The following MAP3K9 variants were observed in gnomAD, a reference collection of about 807,000 sequenced individuals.
MAP3K9 encodes the protein mixed lineage kinase 1 (tyr and ser/thr specificity).
MAP3K9 carries 46 observed loss-of-function variants against 95.8 expected under a neutral mutation model. The ratio of observed to expected loss-of-function variants is 0.48; its 90% CI spans 0.38 to 0.61. MAP3K9 has a LOEUF of 0.61. Among genes scored for constraint, MAP3K9 ranks in the 20% least tolerant of loss-of-function variants. The pLI, the probability that MAP3K9 is intolerant of heterozygous loss-of-function variation, is 0.00. For synonymous variants in MAP3K9, 533 were observed against 593.8 expected (o/e 0.90, Z 1.49); for missense variants, 1,296 against 1,474.3 (o/e 0.88, Z 1.98).
intron 2 of MAP3K9, among the ~76,000 whole-genome samples, chr14:70,783,819 A>T (rs2054712731): frequency 6.6e-6 from 1 of 152,250 alleles, no homozygotes; most frequent in African/African-American, 2.4e-5. Context: ...CAGACTACAC[A>T]GAGCTGAAAG....
chr14:70,751,033 A>T (rs978824377), intron 3 of MAP3K9, among the ~76,000 whole-genome samples: 8 of 131,806 alleles, frequency 6.1e-5, no homozygotes, highest in Non-Finnish European at 1.3e-4. Context: ...CCCCCAGATC[A>T]GCGTGAGTGG....
Position 70,800,697 on chromosome 14 carries a change from T to C in MAP3K9, c.790A>G (p.Ile264Val). 2 of 1,614,046 alleles carry C rather than the reference T, an allele frequency of 1.2e-6. No homozygotes were observed. Among genetic ancestry groups the C allele is most frequent in the Non-Finnish European group, 1.7e-6 (2 of 1,179,982 alleles). Residue 264 changes from isoleucine to valine, a missense_variant, in exon 2 of 12, where the codon ATC (isoleucine) becomes GTC (valine). By Grantham distance (29) the Ile-to-Val change is conservative (BLOSUM62 3). Transcript: ENST00000554752. ...CTGGACTTAAGGTCGCGGTGGATGATGGGAACAATTGCCTCATCATGTAAG... is the reference window on the plus strand; with the variant it reads ...CTGGACTTAAGGTCGCGGTGGATGACGGGAACAATTGCCTCATCATGTAAG... ...NYLHDEAIVP[I>V]IHRDLKSSNI...
At chr14:70,760,141 G>GCGCA (rs1555369568) in intron 3 of MAP3K9, among the ~76,000 whole-genome samples, 2 of 147,700 alleles carry the variant, frequency 1.4e-5, no homozygotes, top group East Asian at 4.0e-4. Flanking sequence ...AAATAAACGT[G>GCGCA]CACACACACA....
At position 70,736,036 on chromosome 14, in the gene MAP3K9, T is replaced by C. The variant is rs2053982004; in HGVS notation, c.1845-7A>G. The C allele has an allele frequency of 1.9e-6, 3 of 1,602,720 alleles. No homozygotes were observed. The highest frequency in any genetic ancestry group is 1.1e-5 in the South Asian group (1 of 90,868). On this transcript the variant is annotated splice_polypyrimidine_tract_variant and splice_region_variant and intron_variant, in intron 8 of 11. Coordinates refer to ENST00000554752, the MANE Select transcript of MAP3K9 (RefSeq NM_001284230.2). Reference sequence around the variant, plus strand: ...CTCACGTCTCTGAGGGGATCTTCAATGAATAAAGAGAATCAGTAGCAGGCA... The same window carrying C: ...CTCACGTCTCTGAGGGGATCTTCAACGAATAAAGAGAATCAGTAGCAGGCA...
In MAP3K9 at chr14:70,728,227, T is replaced by A. The variant is rs1261352833; in HGVS notation, c.*2153A>T. ...ACCTCCGCCTCCCAGGTTCAAGCGATTCTCCTGCCTCAGCCTTGCGAGTAG... is the reference window on the plus strand; with the variant it reads ...ACCTCCGCCTCCCAGGTTCAAGCGAATCTCCTGCCTCAGCCTTGCGAGTAG... On this transcript the variant is annotated 3_prime_UTR_variant, in exon 12 of 12. Coordinates refer to ENST00000554752, the MANE Select transcript of MAP3K9 (RefSeq NM_001284230.2). 6.8e-6 allele frequency: 1 copy of A among 146,658 alleles called. No individual in the cohort carries two copies. The highest frequency in any genetic ancestry group is 2.5e-5 in the African/African-American group (1 of 39,944). The allele number at this position is 146,658 out of a possible 1,614,324, so 9.1% of individuals were successfully genotyped here. A position where few individuals can be genotyped will look rare whatever the true frequency, so the allele number is the denominator to read the frequency against.
intron 2 of MAP3K9, among the ~76,000 whole-genome samples, chr14:70,762,040 C>T (rs535663557): frequency 3.9e-5 from 6 of 152,276 alleles, no homozygotes; most frequent in African/African-American, 1.4e-4. Flanking sequence ...TTTCACTGAA[C>T]ATGTTTTCAA....
rs749375101 is a variant in MAP3K9 at position 70,808,752 on chromosome 14, C to T, written c.406+14G>A. 2 of 1,477,328 alleles carry T rather than the reference C, an allele frequency of 1.4e-6. No homozygotes were observed. The highest frequency in any genetic ancestry group is 1.8e-6 in the Non-Finnish European group (2 of 1,108,548). 91.5% of individuals were successfully genotyped at this position (1,477,328 alleles called of 1,614,324 possible). A position where few individuals can be genotyped will look rare whatever the true frequency, so the allele number is the denominator to read the frequency against. ...GTCATTCCCCCTCCCCGCCCGGCCC[C>T]GCCTTCGCCTTACACTGAATGGGCG... On this transcript the variant is annotated intron_variant, in intron 1 of 11. Coordinates refer to ENST00000554752, the MANE Select transcript of MAP3K9 (RefSeq NM_001284230.2).
chr14:70,760,338 A>C (rs556059696), intron 3 of MAP3K9, among the ~76,000 whole-genome samples: 5 of 152,170 alleles, frequency 3.3e-5, no homozygotes, highest in Non-Finnish European at 5.9e-5. Context: ...GAAAAATTTT[A>C]GATCTATTTC....
Position 70,733,873 on chromosome 14 carries a change from A to G in MAP3K9, c.2026+513T>C, listed in dbSNP as rs2053948366. On this transcript the variant is annotated intron_variant, in intron 10 of 11. Transcript: ENST00000554752. Reference sequence around the variant, plus strand: ...CTCTCTCTGTTTCTCCCTTCTGGAGAGGGACACTTTTTCTCCTCTTGCCCT... The same window carrying G: ...CTCTCTCTGTTTCTCCCTTCTGGAGGGGGACACTTTTTCTCCTCTTGCCCT... 5.6e-6 allele frequency: 4 copies of G among 712,564 alleles called. No individual in the cohort carries two copies. In the South Asian group the frequency reaches 6.0e-5, roughly 11 times the overall value. 44.1% of individuals were successfully genotyped at this position (712,564 alleles called of 1,614,324 possible).
rs766994142 is a variant in MAP3K9, at chr14:70,808,805, G to A, written c.367C>T (p.Pro123Ser). The stretch of plus-strand genomic sequence containing the variant: ...TAGCAACTGGGGTCCTCGCCGCCGG[G>A]CTGGCAGCGGCTGGAGAAGGCGCTG... ...PRSAFSSRCQ[P>S]GGEDPSCYPP... Residue 123 changes from proline (P) to serine (S), a missense_variant, in exon 1 of 12, where the codon CCC becomes TCC. Physicochemically the swap from Pro to Ser is moderately conservative, Grantham distance 74. Around this residue, in one of 5 missense-constraint regions of MAP3K9, gnomAD observed 338 missense variants for 363.4 expected, o/e 0.93. Transcript: ENST00000554752. 5 of 1,592,498 alleles carry A rather than the reference G, an allele frequency of 3.1e-6. No individual in the cohort carries two copies. The highest frequency in any genetic ancestry group is 4.3e-6 in the Non-Finnish European group (5 of 1,172,624).
intron 1 of MAP3K9, among the ~76,000 whole-genome samples, chr14:70,806,750 T>C (rs1196019493): frequency 6.6e-6 from 1 of 152,262 alleles, no homozygotes; most frequent in Non-Finnish European, 1.5e-5. Flanking sequence ...ACCGAGTTCC[T>C]GATCACGAAC....
chr14:70,803,755 C>A (rs774033120), intron 1 of MAP3K9, among the ~76,000 whole-genome samples: 83 of 152,146 alleles, frequency 5.5e-4, no homozygotes, highest in Non-Finnish European at 1.1e-3. Context: ...TCACCTTATC[C>A]AGCAATCTTC....
chr14:70,788,145 A>C (rs2054768198), intron 2 of MAP3K9, among the ~76,000 whole-genome samples: 1 of 152,112 alleles, frequency 6.6e-6, no homozygotes, highest in African/African-American at 2.4e-5. Context: ...TTTTCTTTGT[A>C]TTTCAATTTT....
chr14:70,792,384 A>G (rs2054816772), intron 2 of MAP3K9, among the ~76,000 whole-genome samples: 2 of 152,218 alleles, frequency 1.3e-5, no homozygotes, highest in African/African-American at 4.8e-5. Context: ...GAAATTCAGA[A>G]GTACCTGAGC....
Position 70,730,823 on chromosome 14 carries a change from A to G in MAP3K9, c.2872T>C (p.Phe958Leu). The stretch of plus-strand genomic sequence containing the variant: ...ACATTGGGGTCAGGGAGACGGGGGA[A>G]TTCACCTGGGTCTCGGCTGGGACTG... ...TPSPSRDPGE[F>L]PRLPDPNVVF... The change falls in exon 12 of 12, where the codon TTC becomes CTC. Residue 958 changes from phenylalanine (F) to leucine (L), a missense_variant. Phe to Leu is a conservative substitution (Grantham distance 22). Around this residue, in one of 5 missense-constraint regions of MAP3K9, gnomAD observed 433 missense variants for 441.4 expected, o/e 0.98. Transcript: ENST00000554752. The G allele has an allele frequency of 6.2e-7, 1 of 1,611,380 alleles. No homozygotes were observed. Among genetic ancestry groups the G allele is most frequent in the Non-Finnish European group, 8.5e-7 (1 of 1,179,652 alleles).
chr14:70,767,121 T>C (rs1235839422), intron 2 of MAP3K9, among the ~76,000 whole-genome samples: 1 of 152,098 alleles, frequency 6.6e-6, no homozygotes, highest in Non-Finnish European at 1.5e-5. Context: ...CGGTGGCTCA[T>C]GCCTATAATC....
At chr14:70,801,476 G>A (rs766952634) in intron 1 of MAP3K9, among the ~76,000 whole-genome samples, 5 of 152,084 alleles carry the variant, frequency 3.3e-5, no homozygotes, top group Non-Finnish European at 5.9e-5. Context: ...GGTCTTGAAT[G>A]CCTGAGCTCA....
intron 1 of MAP3K9, among the ~76,000 whole-genome samples, chr14:70,804,248 C>T (rs1245434439): frequency 1.3e-5 from 2 of 152,214 alleles, no homozygotes; most frequent in Admixed American, 1.3e-4. Flanking sequence ...GCCCTTCCAA[C>T]AATTCTGCAA....
At chr14:70,771,580 C>T (rs1279293333) in intron 2 of MAP3K9, among the ~76,000 whole-genome samples, 4 of 152,060 alleles carry the variant, frequency 2.6e-5, no homozygotes, top group East Asian at 1.9e-4. Context: ...TCTGGGTTCT[C>T]GCTCCACCAC....
Sources: gnomAD v4.1 joint callset for allele counts (sites outside exome capture counted in the v4.1 genomes callset) on GRCh38, gnomAD v4.1.1 for gene constraint, gnomAD v4.1.1 regional missense constraint, MANE v1.5 for transcripts, NCBI Gene and HGNC (gene_info 2026-07-23, HGNC 2026-07-21) for gene names.